The following SPIRE1 variants were observed in gnomAD, a reference collection of about 807,000 sequenced individuals.
SPIRE1 encodes protein spire homolog 1.
In SPIRE1, 40 loss-of-function variants were observed where a neutral mutation model predicts 94.1. The ratio of observed to expected loss-of-function variants is 0.43; its 90% confidence interval spans 0.33 to 0.55. The LOEUF is 0.55. SPIRE1 is among the 20% of genes least tolerant of loss of function. The pLI is 0.06. For synonymous variants in SPIRE1, 376 were observed against 371.7 expected, an observed-to-expected ratio of 1.01 and a Z score of -0.13; for missense variants, 838 against 975.2, an observed-to-expected ratio of 0.86 and a Z score of 1.87.
intron 2 of SPIRE1, among the ~76,000 whole-genome samples, chr18:12,600,865 A>AG (rs35017857): frequency 0.56 from 84,995 of 151,706 alleles, 25,003 homozygotes; most frequent in Middle Eastern, 0.76. Flanking sequence ...CAAGGACCAC[A>AG]GTGTACGCAA....
intron 12 of SPIRE1, among the ~76,000 whole-genome samples, chr18:12,461,997 C>T (rs2031883722): frequency 6.6e-6 from 1 of 152,152 alleles, no homozygotes; most frequent in South Asian, 2.1e-4. Flanking sequence ...AACTTATTCA[C>T]ATGAAAACAA....
At chr18:12,575,745 T>C (rs920028218) in intron 2 of SPIRE1, among the ~76,000 whole-genome samples, 1 of 152,250 alleles carries the variant, frequency 6.6e-6, no homozygotes, top group African/African-American at 2.4e-5. Context: ...CTGAAAACTA[T>C]ACATTGCTGA....
chr18:12,621,450 G>A (rs2037465686), intron 2 of SPIRE1, among the ~76,000 whole-genome samples: 1 of 152,184 alleles, frequency 6.6e-6, no homozygotes, highest in African/African-American at 2.4e-5. Flanking sequence ...ACTCATAACA[G>A]CCAAAGGGTA....
chr18:12,463,600 T>C (rs1046569713), intron 11 of SPIRE1, 107 bp from the exon 12 acceptor site: 20 of 918,396 alleles, frequency 2.2e-5, no homozygotes, highest in Middle Eastern at 7.0e-4. Context: ...ATTTATTTCA[T>C]TGGAGAGATA....
intron 1 of SPIRE1, among the ~76,000 whole-genome samples, chr18:12,650,606 A>C (rs1265287390): frequency 6.6e-6 from 1 of 151,374 alleles, no homozygotes; most frequent in African/African-American, 2.4e-5. Context: ...GCTACTCGGG[A>C]GGCTGAGGCA....
chr18:12,471,230 G>C (rs2032347320), intron 10 of SPIRE1, among the ~76,000 whole-genome samples: 1 of 151,994 alleles, frequency 6.6e-6, no homozygotes, highest in East Asian at 1.9e-4. Context: ...TGGGTGTGGG[G>C]GTCTAATTTT....
At chr18:12,449,926 A>G (rs377068863) in intron 16 of SPIRE1, 30 bp from the exon 17 acceptor site, 1 of 1,605,860 alleles carries the variant, frequency 6.2e-7, no homozygotes, top group Non-Finnish European at 8.5e-7. Context: ...GAAGCCCAGC[A>G]TTGTTACTTA....
chr18:12,452,700 A>G, intron 14 of SPIRE1, 188 bp from the exon 15 acceptor site: 1 of 649,972 alleles, frequency 1.5e-6, no homozygotes, highest in South Asian at 1.9e-5. Context: ...TAACTCTTAC[A>G]CTGTCTCCTA....
chr18:12,578,728 C>A (rs1467219017), intron 2 of SPIRE1, among the ~76,000 whole-genome samples: 4 of 152,178 alleles, frequency 2.6e-5, no homozygotes, highest in Non-Finnish European at 4.4e-5. Flanking sequence ...ATCTCTTACT[C>A]TTTAGTCACC....
intron 5 of SPIRE1, among the ~76,000 whole-genome samples, chr18:12,510,075 A>C (rs1307798449): frequency 6.7e-6 from 1 of 149,584 alleles, no homozygotes; most frequent in Non-Finnish European, 1.5e-5. Flanking sequence ...ACAGAGCAAG[A>C]CTCCATCTAA....
intron 6 of SPIRE1, among the ~76,000 whole-genome samples, chr18:12,501,072 C>CAAAAAAAAAAAAAAAAAAAAAAAAAAA (rs67894900): frequency 1.2e-5 from 1 of 80,226 alleles, no homozygotes; most frequent in Non-Finnish European, 2.3e-5. Flanking sequence ...AACTCTGTCT[C>CAAAAAAAAAAAAAAAAAAAAAAAAAAA]AAAAAAAAAA....
chr18:12,454,640 A>AG, intron 12 of SPIRE1, 157 bp from the exon 13 acceptor site: 1 of 633,064 alleles, frequency 1.6e-6, no homozygotes. Flanking sequence ...TGGGGACCAC[A>AG]TCATTTCCAA....
chr18:12,629,700 A>G (rs1239311733), intron 2 of SPIRE1, among the ~76,000 whole-genome samples: 1 of 152,238 alleles, frequency 6.6e-6, no homozygotes, highest in Non-Finnish European at 1.5e-5. Flanking sequence ...ATAGTTAACA[A>G]CAAAATATCC....
intron 4 of SPIRE1, among the ~76,000 whole-genome samples, chr18:12,528,500 G>C (rs2034588516): frequency 1.3e-5 from 2 of 152,178 alleles, no homozygotes; most frequent in South Asian, 4.1e-4. Context: ...ATTTCAGGTA[G>C]GTGCAGAGGC....
chr18:12,539,926 TA>T (rs71172096), intron 3 of SPIRE1, among the ~76,000 whole-genome samples: 12,940 of 120,102 alleles, frequency 0.11, 715 homozygotes, highest in Admixed American at 0.19. Context: ...GACTCTGTCT[TA>T]AAAAAAAAAA....
At chr18:12,566,810 A>AAT (rs1327089797) in intron 2 of SPIRE1, among the ~76,000 whole-genome samples, 1 of 152,164 alleles carries the variant, frequency 6.6e-6, no homozygotes, top group Non-Finnish European at 1.5e-5. Flanking sequence ...TCTACCTCAG[A>AAT]ATATACAAGC....
intron 4 of SPIRE1, among the ~76,000 whole-genome samples, chr18:12,520,820 T>C (rs1017512061): frequency 1.3e-5 from 2 of 152,158 alleles, no homozygotes; most frequent in African/African-American, 2.4e-5. Context: ...AGGCAAGGAA[T>C]ATGAGAAAGC....
At chr18:12,648,593 G>A (rs978399664) in intron 1 of SPIRE1, among the ~76,000 whole-genome samples, 11 of 152,022 alleles carry the variant, frequency 7.2e-5, no homozygotes, top group African/African-American at 2.4e-4. Context: ...TTCTGCAATA[G>A]AAAAAGGACA....
intron 4 of SPIRE1, 125 bp downstream of exon 4, chr18:12,535,351 G>T: frequency 9.9e-7 from 1 of 1,012,804 alleles, no homozygotes. Context: ...CTCATCTAAA[G>T]GATAGTAATA....
Sources: allele counts gnomAD v4.1 joint callset (sites outside exome capture counted in the v4.1 genomes callset), GRCh38; gene constraint gnomAD v4.1.1; transcripts MANE v1.5; gene names NCBI Gene and HGNC (gene_info 2026-07-23, HGNC 2026-07-21).